The following ALDH1L2 variants were observed in gnomAD, a reference collection of about 807,000 sequenced individuals.
ALDH1L2 encodes aldehyde dehydrogenase 1 family member L2.
In ALDH1L2, 91 loss-of-function variants were observed where a neutral mutation model predicts 111.0. The ratio of observed to expected loss-of-function variants is 0.82; its 90% CI spans 0.69 to 0.98. The LOEUF (loss-of-function observed/expected upper bound fraction) is 0.98, where lower values mean the gene tolerates loss of function less well. Among genes scored for constraint, ALDH1L2 ranks in the 50% least tolerant of loss-of-function variants. The pLI is 0.00. For synonymous variants in ALDH1L2, 374 were observed against 392.6 expected, an observed-to-expected ratio of 0.95 and a Z score of 0.56; for missense variants, 995 against 1,126.8, an observed-to-expected ratio of 0.88 and a Z score of 1.67.
chr12:105,034,260 A>G (rs1218195161), intron 19 of ALDH1L2, 40 bp downstream of exon 19: 1 of 1,594,478 alleles, frequency 6.3e-7, no homozygotes, highest in African/African-American at 1.3e-5. Flanking sequence ...GTAAAAGCAA[A>G]ATCTCTAAAC....
intron 18 of ALDH1L2, among the ~76,000 whole-genome samples, chr12:105,036,171 G>A (rs1317156543): frequency 2.7e-5 from 1 of 37,644 alleles, no homozygotes; most frequent in Admixed American, 3.6e-4. Flanking sequence ...ATATATACAC[G>A]TATATTTATA....
rs763439019 is a variant in ALDH1L2, at chr12:105,061,091, C to A, written c.1048-19G>T. On this transcript the variant is annotated intron_variant, in intron 8 of 22. Coordinates refer to ENST00000258494, the MANE Select transcript of ALDH1L2 (RefSeq NM_001034173.4). ...AGATGACCTACACAAAAAGGAAACT[C>A]TTATGAGGGAAGTGCCACGTAGAAC... 1 of 1,602,700 alleles carries A rather than the reference C, an allele frequency of 6.2e-7. No homozygotes were observed. Among genetic ancestry groups the A allele is most frequent in the Non-Finnish European group, 8.5e-7 (1 of 1,169,832 alleles).
In ALDH1L2 at chr12:105,030,405, A is replaced by G. The variant is rs200984162; in HGVS notation, c.2435T>C (p.Phe812Ser). 3.7e-6 allele frequency: 6 copies of G among 1,610,408 alleles called. No individual in the cohort carries two copies. The Admixed American group carries it at 1.0e-4, about 27-fold the overall frequency. Residue 812 changes from phenylalanine (F) to serine (S), a missense_variant, in exon 21 of 23, where the codon TTC (phenylalanine) becomes TCC (serine). Transcript: ENST00000258494. ...RPGFFMEPTV[F>S]TDVEDYMYLA... ...GTACATGTAGTCTTCCACATCTGTG[A>G]ACACGGTCGGCTCCATGAAAAAGCC...
At chr12:105,068,391 T>C (rs1295210785) in intron 4 of ALDH1L2, among the ~76,000 whole-genome samples, 1 of 152,128 alleles carries the variant, frequency 6.6e-6, no homozygotes, top group African/African-American at 2.4e-5. Flanking sequence ...TAGCAAAATT[T>C]CTTAAGATTC....
chr12:105,084,331 C>T, intron 1 of ALDH1L2, 58 bp downstream of exon 1: 1 of 1,500,666 alleles, frequency 6.7e-7, no homozygotes. Context: ...CCTCCCGCCC[C>T]GGAGTCTGGA....
chr12:105,061,630 G>A lies in ALDH1L2; in HGVS notation c.1044C>T (p.Ile348=), dbSNP rs772155973. ...TAEEVKVAET[I]KVIWAGILSN... Reference sequence around the variant, plus strand: ...ATTTAAGTCATCATGTGTTCACCTTGATGGTCTCTGCCACTTTCACCTCTT... The same window carrying A: ...ATTTAAGTCATCATGTGTTCACCTTAATGGTCTCTGCCACTTTCACCTCTT... Residue 348 remains isoleucine (I), a synonymous_variant, in exon 8 of 23, where the codon ATC becomes ATT. Transcript: ENST00000258494. 1.3e-5 allele frequency: 21 copies of A among 1,613,982 alleles called. No homozygotes were observed. In the African/African-American group the frequency reaches 2.7e-4, roughly 21 times the overall value.
intron 22 of ALDH1L2, among the ~76,000 whole-genome samples, chr12:105,025,589 A>G (rs1565946969): frequency 6.6e-6 from 1 of 152,222 alleles, no homozygotes; most frequent in Non-Finnish European, 1.5e-5. Context: ...GGAATTTAAA[A>G]TGAGAGCTAC....
chr12:105,065,229 C>A, intron 6 of ALDH1L2, 38 bp downstream of exon 6: 2 of 1,390,718 alleles, frequency 1.4e-6, no homozygotes, highest in Non-Finnish European at 2.0e-6. Flanking sequence ...AGGTAATAAT[C>A]GGGGAGGGGG....
intron 18 of ALDH1L2, among the ~76,000 whole-genome samples, chr12:105,037,094 G>A (rs1381008755): frequency 2.0e-5 from 3 of 152,262 alleles, no homozygotes; most frequent in East Asian, 1.9e-4. Flanking sequence ...CAGTTGTACA[G>A]AACTGAGAAG....
Position 105,020,900 on chromosome 12 carries a change from T to A in ALDH1L2, c.*3524A>T, listed in dbSNP as rs1801070. ...ATTAGTGGCTCAAAAATAGCCTTGATGAGAGTATTTACACATAGATACCTG... is the reference window on the plus strand; with the variant it reads ...ATTAGTGGCTCAAAAATAGCCTTGAAGAGAGTATTTACACATAGATACCTG... On this transcript the variant is annotated 3_prime_UTR_variant, in exon 23 of 23. Coordinates refer to ENST00000258494, the MANE Select transcript of ALDH1L2 (RefSeq NM_001034173.4). The A allele has an allele frequency of 0.096, 14,688 of 152,234 alleles. 796 individuals are homozygous for A. The highest frequency in any genetic ancestry group is 0.14 in the African/African-American group (5,628 of 41,514). 9.4% of individuals were successfully genotyped at this position (152,234 alleles called of 1,614,324 possible).
rs538350578 is a variant in ALDH1L2, at chr12:105,078,078, A to G, written c.49-4073T>C. Among the ~76,000 whole-genome samples the G allele has an allele frequency of 5.9e-3, 705 of 119,944 alleles. 2 individuals carry two copies. The highest frequency in any genetic ancestry group is 7.8e-3 in the Non-Finnish European group (437 of 55,962). 78.7% of individuals were successfully genotyped at this position (119,944 alleles called of 152,430 possible). A position where few individuals can be genotyped will look rare whatever the true frequency, so the allele number is the denominator to read the frequency against. On this transcript the variant is annotated intron_variant, in intron 1 of 22. Transcript: ENST00000258494. ...CTTTGCCACACTCTGGGCGTAGTGC[A>G]TGGTAGAGGTGGCACATTACTGGCC...
intron 1 of ALDH1L2, among the ~76,000 whole-genome samples, chr12:105,083,027 C>T (rs1438246001): frequency 1.3e-5 from 2 of 152,208 alleles, no homozygotes; most frequent in Non-Finnish European, 2.9e-5. Flanking sequence ...CAGTTCTTCC[C>T]CACATCCATA....
intron 21 of ALDH1L2, among the ~76,000 whole-genome samples, chr12:105,028,550 T>G (rs972107537): frequency 5.3e-5 from 8 of 152,230 alleles, no homozygotes; most frequent in Non-Finnish European, 2.9e-5. Context: ...CAAAGGCATC[T>G]TGACTATCCA....
chr12:105,023,437 A>C lies in ALDH1L2; in HGVS notation c.*987T>G, dbSNP rs764887630. 2 of 152,220 alleles carry C rather than the reference A, an allele frequency of 1.3e-5. No individual in the cohort carries two copies. The highest frequency in any genetic ancestry group is 2.9e-5 in the Non-Finnish European group (2 of 68,040). 9.4% of individuals were successfully genotyped at this position (152,220 alleles called of 1,614,324 possible). A position where few individuals can be genotyped will look rare whatever the true frequency, so the allele number is the denominator to read the frequency against. On this transcript the variant is annotated 3_prime_UTR_variant, in exon 23 of 23. Transcript: ENST00000258494. ...TGAGAAAAATATCTAGGAATTGATG[A>C]TTGAAAAGGGTTGTGGGAAATGAAT...
intron 10 of ALDH1L2, among the ~76,000 whole-genome samples, chr12:105,055,562 GAA>G (rs369871678): frequency 6.6e-6 from 1 of 151,606 alleles, no homozygotes; most frequent in Non-Finnish European, 1.5e-5. Context: ...ATAAACAGGT[GAA>G]AAAAAAGCAG....
intron 1 of ALDH1L2, among the ~76,000 whole-genome samples, chr12:105,078,901 G>A (rs1194034283): frequency 1.3e-5 from 2 of 152,180 alleles, no homozygotes; most frequent in African/African-American, 4.8e-5. Flanking sequence ...AAATGCATGT[G>A]CACAGCGTGT....
At chr12:105,070,894 G>A (rs1877649368) in intron 2 of ALDH1L2, 90 bp from the exon 3 acceptor site, 1 of 1,099,352 alleles carries the variant, frequency 9.1e-7, no homozygotes, top group Non-Finnish European at 1.3e-6. Context: ...ACAGTTTCAT[G>A]AAATATTTAC....
intron 18 of ALDH1L2, among the ~76,000 whole-genome samples, chr12:105,036,511 A>ATTTT (rs1366084674): frequency 2.2e-5 from 1 of 46,432 alleles, no homozygotes; most frequent in Non-Finnish European, 4.2e-5. Flanking sequence ...GTATATATAT[A>ATTTT]TTTTATATAT....
chr12:105,039,883 C>T (rs1875419075), intron 16 of ALDH1L2, 77 bp from the exon 17 acceptor site: 7 of 1,303,966 alleles, frequency 5.4e-6, no homozygotes, highest in South Asian at 3.6e-5. Context: ...GTAATCCCCG[C>T]ACTTTGGGAG....
Sources: allele counts gnomAD v4.1 joint callset (sites outside exome capture counted in the v4.1 genomes callset), GRCh38; gene constraint gnomAD v4.1.1; transcripts MANE v1.5; gene names NCBI Gene and HGNC (gene_info 2026-07-23, HGNC 2026-07-21).